Variants in MTHFD2L observed in about 807,000 individuals in gnomAD.
MTHFD2L encodes the protein bifunctional methylenetetrahydrofolate dehydrogenase/cyclohydrolase 2, mitochondrial.
In MTHFD2L, 29 loss-of-function variants were observed where a neutral mutation model predicts 34.9. That is an observed-to-expected ratio of 0.83 (90% CI 0.62 to 1.13). The LOEUF (loss-of-function observed/expected upper bound fraction) is 1.13, where lower values mean the gene tolerates loss of function less well. MTHFD2L is among the 50% of genes most tolerant of loss of function. The pLI is 0.00. For synonymous variants in MTHFD2L, 167 were observed against 155.7 expected (o/e 1.07, Z -0.54); for missense variants, 481 against 446.5 (o/e 1.08, Z -0.70).
chr4:74,218,441 T>C (rs1737571843), intron 5 of MTHFD2L, among the ~76,000 whole-genome samples: 1 of 152,118 alleles, frequency 6.6e-6, no homozygotes, highest in African/African-American at 2.4e-5. Context: ...AGAGTGAGGC[T>C]AGAGAGCCAC....
At chr4:74,227,696 C>A (rs976293721) in intron 6 of MTHFD2L, among the ~76,000 whole-genome samples, 1 of 152,092 alleles carries the variant, frequency 6.6e-6, no homozygotes, top group Non-Finnish European at 1.5e-5. Context: ...AGGACGTTGT[C>A]GGCCATGGTT....
intron 7 of MTHFD2L, among the ~76,000 whole-genome samples, chr4:74,297,712 T>G (rs952463339): frequency 6.6e-6 from 1 of 152,232 alleles, no homozygotes; most frequent in Non-Finnish European, 1.5e-5. Context: ...CCTTGCTCTC[T>G]TTCAGGCATG....
intron 6 of MTHFD2L, among the ~76,000 whole-genome samples, chr4:74,230,066 A>G (rs948268282): frequency 1.3e-5 from 2 of 152,192 alleles, no homozygotes; most frequent in African/African-American, 2.4e-5. Flanking sequence ...ACTTTTTCAA[A>G]TTGATACATA....
intron 2 of MTHFD2L, among the ~76,000 whole-genome samples, chr4:74,117,222 G>C (rs910254630): frequency 6.6e-6 from 1 of 152,226 alleles, no homozygotes; most frequent in African/African-American, 2.4e-5. Context: ...GCTTAGAATG[G>C]AGCCAACAGA....
intron 6 of MTHFD2L, among the ~76,000 whole-genome samples, chr4:74,234,399 T>C (rs976632508): frequency 3.3e-5 from 5 of 152,118 alleles, no homozygotes; most frequent in Non-Finnish European, 7.4e-5. Context: ...TTTTGACTAA[T>C]GCTATGACTT....
chr4:74,234,821 T>TG (rs1417082096), intron 6 of MTHFD2L, among the ~76,000 whole-genome samples: 1 of 110,700 alleles, frequency 9.0e-6, no homozygotes, highest in African/African-American at 4.2e-5. Context: ...GTGTGTGTGT[T>TG]TACGTGTGTA....
At chr4:74,180,876 G>A in intron 3 of MTHFD2L, 2 of 199,490 alleles carry the variant, frequency 1.0e-5, no homozygotes, top group South Asian at 1.4e-4. Context: ...GGTAAGAAAG[G>A]GGTCTGTTAT....
chr4:74,161,018 T>A (rs1725327536), intron 1 of MTHFD2L: 1 of 152,242 alleles, frequency 6.6e-6, no homozygotes, highest in African/African-American at 2.4e-5. Context: ...CTCAAATCGT[T>A]AATTTGGTAG....
intron 6 of MTHFD2L, among the ~76,000 whole-genome samples, chr4:74,233,350 GT>G (rs1740373250): frequency 6.6e-6 from 1 of 152,110 alleles, no homozygotes. Flanking sequence ...AGTAAAGAGG[GT>G]TTGGTTTTAA....
chr4:74,294,406 C>T (rs1321737920), intron 7 of MTHFD2L, among the ~76,000 whole-genome samples: 1 of 152,014 alleles, frequency 6.6e-6, no homozygotes, highest in East Asian at 1.9e-4. Context: ...CCCTGGGAAC[C>T]TGGGAACATA....
chr4:74,184,794 A>G (rs566307307), intron 3 of MTHFD2L, among the ~76,000 whole-genome samples: 12 of 152,298 alleles, frequency 7.9e-5, no homozygotes, highest in Admixed American at 7.2e-4. Flanking sequence ...TTTTAAGAGA[A>G]TTCATGTCAC....
intron 6 of MTHFD2L, among the ~76,000 whole-genome samples, chr4:74,266,113 T>C (rs1212619261): frequency 6.6e-6 from 1 of 152,234 alleles, no homozygotes; most frequent in Admixed American, 6.5e-5. Context: ...TCTCAAACTT[T>C]ATTGACTTTT....
chr4:74,214,906 A>T (rs979238989), intron 5 of MTHFD2L, among the ~76,000 whole-genome samples: 1 of 151,736 alleles, frequency 6.6e-6, no homozygotes, highest in East Asian at 1.9e-4. Context: ...TGCCCTGCCC[A>T]GTGAGGAGGA....
At chr4:74,169,284 T>C (rs1410402326) in intron 1 of MTHFD2L, among the ~76,000 whole-genome samples, 1 of 152,216 alleles carries the variant, frequency 6.6e-6, no homozygotes, top group East Asian at 1.9e-4. Context: ...AGGTTGTCTC[T>C]TTGGAGTCTG....
At chr4:74,292,177 A>G (rs1749046388) in intron 7 of MTHFD2L, among the ~76,000 whole-genome samples, 1 of 152,238 alleles carries the variant, frequency 6.6e-6, no homozygotes, top group Admixed American at 6.5e-5. Context: ...GTGGCTTACA[A>G]CATGGACAGA....
chr4:74,240,662 G>A (rs1287473609), intron 6 of MTHFD2L, among the ~76,000 whole-genome samples: 2 of 152,120 alleles, frequency 1.3e-5, no homozygotes, highest in Admixed American at 1.3e-4. Context: ...ATCTCTGGTA[G>A]ATAAATATAT....
At chr4:74,187,471 C>T (rs894895519) in intron 3 of MTHFD2L, among the ~76,000 whole-genome samples, 1 of 152,030 alleles carries the variant, frequency 6.6e-6, no homozygotes, top group Non-Finnish European at 1.5e-5. Context: ...ACAGACACTT[C>T]AAAGAAGAAA....
chr4:74,160,842 T>G (rs915160665), intron 1 of MTHFD2L: 1 of 152,178 alleles, frequency 6.6e-6, no homozygotes, highest in Non-Finnish European at 1.5e-5. Flanking sequence ...GTGGGAAGGT[T>G]ATAGACCTTG....
At chr4:74,257,075 A>G (rs934359607) in intron 6 of MTHFD2L, among the ~76,000 whole-genome samples, 2 of 152,144 alleles carry the variant, frequency 1.3e-5, no homozygotes, top group African/African-American at 4.8e-5. Flanking sequence ...AATGATAATG[A>G]TATTTCCAAT....
Sources: allele counts gnomAD v4.1 joint callset (sites outside exome capture counted in the v4.1 genomes callset), GRCh38; gene constraint gnomAD v4.1.1; transcripts MANE v1.5; gene names NCBI Gene and HGNC (gene_info 2026-07-23, HGNC 2026-07-21).